The following LRRC4C variants were observed in gnomAD, a reference collection of about 807,000 sequenced individuals.
LRRC4C encodes the protein leucine-rich repeat-containing protein 4C.
A neutral mutation model predicts 33.6 loss-of-function variants in LRRC4C; 5 were observed. The ratio of observed to expected loss-of-function variants is 0.15; its 90% CI spans 0.08 to 0.31. LRRC4C has a LOEUF of 0.31. Among genes scored for constraint, LRRC4C ranks in the 10% least tolerant of loss-of-function variants. The probability of loss-of-function intolerance (pLI) is 1.00; values close to 1 mark genes in which losing one functional copy is unlikely to be tolerated. For synonymous variants in LRRC4C, 329 were observed against 302.0 expected (o/e 1.09, Z -0.93); for missense variants, 560 against 796.7 (o/e 0.70, Z 3.58).
At chr11:41,161,271 C>T (rs1050718966) in intron 1 of LRRC4C, among the ~76,000 whole-genome samples, 1 of 152,100 alleles carries the variant, frequency 6.6e-6, no homozygotes, top group Non-Finnish European at 1.5e-5. Flanking sequence ...TAGCCAAGAA[C>T]ATGAGAAATC....
At chr11:40,470,966 A>G (rs1053951198) in intron 3 of LRRC4C, among the ~76,000 whole-genome samples, 1 of 152,210 alleles carries the variant, frequency 6.6e-6, no homozygotes, top group Non-Finnish European at 1.5e-5. Context: ...ACTCTTCAGG[A>G]TATTATCCAG....
intron 2 of LRRC4C, among the ~76,000 whole-genome samples, chr11:40,687,670 T>C (rs997359208): frequency 6.6e-6 from 1 of 152,146 alleles, no homozygotes; most frequent in Non-Finnish European, 1.5e-5. Context: ...AAACTTTGTC[T>C]TTCTTGCTAT....
chr11:40,335,202 C>T (rs1435356372), intron 3 of LRRC4C, among the ~76,000 whole-genome samples: 1 of 152,110 alleles, frequency 6.6e-6, no homozygotes, highest in African/African-American at 2.4e-5. Context: ...ACACAAAAGT[C>T]AGAATGCAAC....
intron 3 of LRRC4C, among the ~76,000 whole-genome samples, chr11:40,473,997 G>A (rs1195677660): frequency 6.6e-6 from 1 of 152,086 alleles, no homozygotes; most frequent in Non-Finnish European, 1.5e-5. Context: ...TGGATAGAAA[G>A]AATCAATATC....
intron 3 of LRRC4C, among the ~76,000 whole-genome samples, chr11:40,574,182 A>G (rs1241144206): frequency 1.3e-5 from 2 of 152,026 alleles, no homozygotes; most frequent in African/African-American, 4.8e-5. Flanking sequence ...AAAGTCAAGG[A>G]CTCCTTCCAT....
intron 3 of LRRC4C, among the ~76,000 whole-genome samples, chr11:40,402,975 A>C (rs1771532717): frequency 6.6e-6 from 1 of 152,086 alleles, no homozygotes. Flanking sequence ...TTTAGAGATA[A>C]TTAATCTATT....
chr11:40,878,010 T>C (rs969657496), intron 2 of LRRC4C, among the ~76,000 whole-genome samples: 1 of 152,176 alleles, frequency 6.6e-6, no homozygotes, highest in African/African-American at 2.4e-5. Context: ...TGCTATCTCA[T>C]CATTGAATCT....
At chr11:41,085,793 C>T (rs749543922) in intron 1 of LRRC4C, among the ~76,000 whole-genome samples, 1 of 152,144 alleles carries the variant, frequency 6.6e-6, no homozygotes, top group Non-Finnish European at 1.5e-5. Flanking sequence ...TAGTACCAGA[C>T]ATGAAATTGA....
At chr11:40,238,778 CT>C (rs1865740156) in intron 5 of LRRC4C, among the ~76,000 whole-genome samples, 1 of 152,078 alleles carries the variant, frequency 6.6e-6, no homozygotes, top group Non-Finnish European at 1.5e-5. Context: ...TCTCCCCTAT[CT>C]TATTCATATA....
At chr11:40,221,660 C>T (rs1045688500) in intron 5 of LRRC4C, among the ~76,000 whole-genome samples, 1 of 152,076 alleles carries the variant, frequency 6.6e-6, no homozygotes, top group African/African-American at 2.4e-5. Context: ...GACAGCCCGG[C>T]GCCACACCCT....
At chr11:40,692,578 CCT>C (rs768729629) in intron 2 of LRRC4C, among the ~76,000 whole-genome samples, 2 of 151,866 alleles carry the variant, frequency 1.3e-5, no homozygotes, top group Non-Finnish European at 2.9e-5. Flanking sequence ...GAAGAAAAGC[CCT>C]TTTTTTTTGC....
chr11:40,558,545 G>A (rs964589544), intron 3 of LRRC4C, among the ~76,000 whole-genome samples: 7 of 152,058 alleles, frequency 4.6e-5, no homozygotes, highest in African/African-American at 1.2e-4. Flanking sequence ...CTATCTACCC[G>A]ACTATCTCTT....
intron 1 of LRRC4C, among the ~76,000 whole-genome samples, chr11:41,076,490 T>C (rs1200888315): frequency 6.6e-6 from 1 of 151,542 alleles, no homozygotes; most frequent in African/African-American, 2.4e-5. Context: ...AGCGAGAGAG[T>C]GAAGTGGGAG....
intron 1 of LRRC4C, among the ~76,000 whole-genome samples, chr11:41,044,718 T>C (rs950783288): frequency 6.6e-6 from 1 of 152,148 alleles, no homozygotes; most frequent in Non-Finnish European, 1.5e-5. Context: ...AGTTATGTGA[T>C]ATACTAGTGG....
intron 5 of LRRC4C, among the ~76,000 whole-genome samples, chr11:40,222,856 A>G (rs183160625): frequency 9.2e-5 from 14 of 152,196 alleles, no homozygotes; most frequent in Admixed American, 8.5e-4. Flanking sequence ...AGGTAATAAT[A>G]CAGTTTCGAT....
At chr11:40,627,903 T>C (rs975278129) in intron 3 of LRRC4C, among the ~76,000 whole-genome samples, 2 of 152,178 alleles carry the variant, frequency 1.3e-5, no homozygotes, top group African/African-American at 2.4e-5. Flanking sequence ...TCACGTAATA[T>C]TGTAATGATG....
chr11:40,173,179 C>A (rs1484791814), intron 5 of LRRC4C, among the ~76,000 whole-genome samples: 1 of 152,150 alleles, frequency 6.6e-6, no homozygotes, highest in Non-Finnish European at 1.5e-5. Context: ...AACTGTGAGG[C>A]AATACATTTT....
rs138790608 is a variant in LRRC4C at position 41,126,808 on chromosome 11, C to T, written c.-495-193085G>A. Among the ~76,000 whole-genome samples, 397 of 152,114 alleles carry T rather than the reference C, an allele frequency of 2.6e-3. 2 individuals carry two copies. Among genetic ancestry groups the T allele is most frequent in the African/African-American group, 9.4e-3 (390 of 41,508 alleles). ...TTTCTGGACAATCCAGCTGAGGTAC[C>T]TATTACGTGAGCAACGCCGCTGTAG... On this transcript the variant is annotated intron_variant, in intron 1 of 6. Transcript: ENST00000528697.
chr11:40,547,862 A>T (rs1956986165), intron 3 of LRRC4C, among the ~76,000 whole-genome samples: 1 of 152,130 alleles, frequency 6.6e-6, no homozygotes, highest in Non-Finnish European at 1.5e-5. Flanking sequence ...TATATAAAAC[A>T]TAAGATAACA....
Sources: allele counts gnomAD v4.1 joint callset (sites outside exome capture counted in the v4.1 genomes callset), GRCh38; gene constraint gnomAD v4.1.1; transcripts MANE v1.5; gene names NCBI Gene and HGNC (gene_info 2026-07-23, HGNC 2026-07-21).